ARRB1: variants seen among roughly 807,000 people sequenced by gnomAD.
ARRB1 encodes the protein arrestin beta 1, also known as beta-arrestin-1.
ARRB1 carries 21 observed loss-of-function variants against 56.8 expected under a neutral mutation model. That is an observed-to-expected ratio of 0.37 (90% CI 0.26 to 0.53). The LOEUF is 0.53. Among genes scored for constraint, ARRB1 ranks in the 20% least tolerant of loss-of-function variants. The probability of loss-of-function intolerance (pLI) is 0.88; values close to 1 mark genes in which losing one functional copy is unlikely to be tolerated. For missense variants in ARRB1, 424 were observed against 553.7 expected (o/e 0.77, Z 2.35); for synonymous variants, 210 against 218.6 (o/e 0.96, Z 0.35).
At chr11:75,298,629 T>C (rs777260521) in intron 1 of ARRB1, among the ~76,000 whole-genome samples, 5 of 152,174 alleles carry the variant, frequency 3.3e-5, no homozygotes, top group Non-Finnish European at 7.3e-5. Flanking sequence ...AGTTTGGCAG[T>C]TCCTTTAAAA....
chr11:75,343,973 G>A (rs1392296290), intron 1 of ARRB1, among the ~76,000 whole-genome samples: 3 of 151,930 alleles, frequency 2.0e-5, no homozygotes, highest in East Asian at 3.9e-4. Context: ...CCGCCACCAC[G>A]CCCAGCTAAT....
intron 1 of ARRB1, among the ~76,000 whole-genome samples, chr11:75,305,018 C>CTTTTTTTTTTTTTTTTTTTTTTTTAT (rs35323331): frequency 1.2e-5 from 1 of 86,732 alleles, no homozygotes; most frequent in African/African-American, 4.3e-5. Context: ...TTCTTTCTTT[C>CTTTTTTTTTTTTTTTTTTTTTTTTAT]TTTTTTTTTT....
chr11:75,285,386 G>A (rs1946445710), intron 3 of ARRB1, among the ~76,000 whole-genome samples: 2 of 152,206 alleles, frequency 1.3e-5, no homozygotes, highest in Admixed American at 1.3e-4. Flanking sequence ...AGAAACACTG[G>A]CTCAGGGTCA....
chr11:75,301,444 G>C (rs540336942), intron 1 of ARRB1, among the ~76,000 whole-genome samples: 23 of 152,206 alleles, frequency 1.5e-4, no homozygotes, highest in Non-Finnish European at 3.1e-4. Flanking sequence ...CTTGAGTGCC[G>C]GGCTAAGGAA....
At chr11:75,274,508 C>A in intron 10 of ARRB1, 1 of 281,586 alleles carries the variant, frequency 3.6e-6, no homozygotes, top group Non-Finnish European at 6.8e-6. Context: ...AGAATTACAG[C>A]CAGCCGGGTG....
At chr11:75,267,728 GT>G in intron 14 of ARRB1, 25 bp from the exon 15 acceptor site, 2 of 936,494 alleles carry the variant, frequency 2.1e-6, no homozygotes, top group Non-Finnish European at 3.5e-6. Context: ...GGTGGGCAGG[GT>G]GTCCAGGGAT....
intron 1 of ARRB1, among the ~76,000 whole-genome samples, chr11:75,325,937 G>C (rs1947426371): frequency 6.6e-6 from 1 of 152,218 alleles, no homozygotes. Flanking sequence ...GGCTGACTCA[G>C]AGGCTTGGAG....
chr11:75,311,986 G>C (rs1024524039), intron 1 of ARRB1: 1 of 1,260,036 alleles, frequency 7.9e-7, no homozygotes, highest in Non-Finnish European at 1.0e-6. Flanking sequence ...GAGGGGCTGG[G>C]AAAAAGCTGA....
chr11:75,263,762 T>C lies in ARRB1; in HGVS notation c.*2401A>G, dbSNP rs1342299974. Among the ~76,000 whole-genome samples, 1 of 148,938 alleles carries C rather than the reference T, an allele frequency of 6.7e-6. No homozygotes were observed. The highest frequency in any genetic ancestry group is 6.7e-5 in the Admixed American group (1 of 14,950). Reference sequence around the variant, plus strand: ...GGAGAAAAAAAAAAAAAAAAGATAGTGCTCTGATCCTTCCCTGCAGCTGGA... The same window carrying C: ...GGAGAAAAAAAAAAAAAAAAGATAGCGCTCTGATCCTTCCCTGCAGCTGGA... On this transcript the variant is annotated 3_prime_UTR_variant, in exon 16 of 16. Coordinates refer to ENST00000420843, the MANE Select transcript of ARRB1 (RefSeq NM_004041.5).
chr11:75,332,679 G>T (rs1039146299), intron 1 of ARRB1, among the ~76,000 whole-genome samples: 1 of 152,128 alleles, frequency 6.6e-6, no homozygotes, highest in Non-Finnish European at 1.5e-5. Context: ...GGCTGATCAT[G>T]AGGTCAGGAG....
chr11:75,295,029 A>G (rs1236491834), intron 1 of ARRB1, among the ~76,000 whole-genome samples: 1 of 151,862 alleles, frequency 6.6e-6, no homozygotes, highest in Non-Finnish European at 1.5e-5. Context: ...TTCAAGACCA[A>G]TGTGGGCAAC....
chr11:75,301,130 G>A (rs369779182), intron 1 of ARRB1, among the ~76,000 whole-genome samples: 3 of 150,300 alleles, frequency 2.0e-5, no homozygotes, highest in African/African-American at 4.9e-5. Flanking sequence ...GCAACAGAGC[G>A]AGACTCCATC....
chr11:75,317,873 G>A (rs1195862078), intron 1 of ARRB1, among the ~76,000 whole-genome samples: 1 of 152,128 alleles, frequency 6.6e-6, no homozygotes, highest in East Asian at 1.9e-4. Context: ...CCTAGCCTGG[G>A]TCACGGCAGG....
intron 1 of ARRB1, among the ~76,000 whole-genome samples, chr11:75,329,161 G>A (rs927855401): frequency 4.0e-5 from 6 of 148,174 alleles, no homozygotes; most frequent in Non-Finnish European, 8.9e-5. Flanking sequence ...TAACAATTAC[G>A]GCTCACAGGG....
At chr11:75,316,259 A>C (rs920802077) in intron 1 of ARRB1, among the ~76,000 whole-genome samples, 1 of 151,770 alleles carries the variant, frequency 6.6e-6, no homozygotes, top group Non-Finnish European at 1.5e-5. Flanking sequence ...CCCGGGAGGC[A>C]GAGGTTGCAG....
rs748272208 is a variant in ARRB1 at position 75,283,141 on chromosome 11, A to T, written c.354+146T>A. On this transcript the variant is annotated intron_variant, in intron 5 of 15. Coordinates refer to ENST00000420843, the MANE Select transcript of ARRB1 (RefSeq NM_004041.5). ...AGAAGAGACACTTACCAGGTAACAC[A>T]GGTGACAGTGCCCCAGGTCCCAGCA... is the stretch of plus-strand genomic sequence containing the variant. The T allele has an allele frequency of 4.9e-6, 4 of 815,374 alleles. No homozygotes were observed. The African/African-American group carries it at 6.9e-5, about 14-fold the overall frequency. The allele number at this position is 815,374 out of a possible 1,614,324, so 50.5% of individuals were successfully genotyped here. A position where few individuals can be genotyped will look rare whatever the true frequency, so the allele number is the denominator to read the frequency against.
chr11:75,309,811 A>C (rs1254312966), intron 1 of ARRB1, among the ~76,000 whole-genome samples: 1 of 152,192 alleles, frequency 6.6e-6, no homozygotes, highest in Non-Finnish European at 1.5e-5. Flanking sequence ...TAAGGTGGGC[A>C]CAGCAAAGCC....
intron 15 of ARRB1, among the ~76,000 whole-genome samples, chr11:75,266,637 G>A (rs542638526): frequency 6.6e-6 from 1 of 152,300 alleles, no homozygotes; most frequent in South Asian, 2.1e-4. Context: ...CACTGTGAGA[G>A]GCCAGGCCAC....
chr11:75,271,669 G>A, intron 13 of ARRB1, 32 bp downstream of exon 13: 2 of 1,556,102 alleles, frequency 1.3e-6, no homozygotes, highest in Non-Finnish European at 1.7e-6. Context: ...CTCCAGGAAG[G>A]TGGGTGAACC....
Sources: allele counts gnomAD v4.1 joint callset (sites outside exome capture counted in the v4.1 genomes callset), GRCh38; gene constraint gnomAD v4.1.1; transcripts MANE v1.5; gene names NCBI Gene and HGNC (gene_info 2026-07-23, HGNC 2026-07-21).